TTC39A: variants seen among roughly 807,000 people sequenced by gnomAD.
The protein encoded by TTC39A is tetratricopeptide repeat protein 39A.
Under a neutral mutation model 82.3 loss-of-function variants are expected in TTC39A, and 46 were observed. That is an observed-to-expected ratio of 0.56 (90% CI 0.44 to 0.71). The LOEUF is 0.71. Ranked by LOEUF, TTC39A falls within the 30% of genes least tolerant of loss-of-function variation. The probability of loss-of-function intolerance (pLI) is 0.00; values close to 1 mark genes in which losing one functional copy is unlikely to be tolerated. For missense variants in TTC39A, 543 were observed against 712.9 expected (o/e 0.76, Z 2.71); for synonymous variants, 254 against 275.2 (o/e 0.92, Z 0.76).
At chr1:51,322,244 CCTCCCTCCCCCAGGCCTG>C in intron 1 of TTC39A, 2 of 1,491,724 alleles carry the variant, frequency 1.3e-6, no homozygotes, top group South Asian at 2.7e-5. Flanking sequence ...TCCAAGGCCT[CCTCCCTCCCCCAGGCCTG>C]GACTCTAGAA....
At chr1:51,335,847 G>GA (rs1270313943), upstream of TTC39A, among the ~76,000 whole-genome samples, 1 of 152,170 alleles carries the variant, frequency 6.6e-6, no homozygotes, top group African/African-American at 2.4e-5. Flanking sequence ...CTTAAGCTGT[G>GA]AAGTCAGTTC....
intron 2 of TTC39A, among the ~76,000 whole-genome samples, chr1:51,320,120 T>A (rs1422331603): frequency 6.6e-6 from 1 of 152,140 alleles, no homozygotes; most frequent in Non-Finnish European, 1.5e-5. Context: ...AGAAGACATG[T>A]CTGTCCTCCC....
upstream of TTC39A, chr1:51,331,456 C>T (rs1286486223): frequency 1.5e-5 from 21 of 1,394,284 alleles, no homozygotes; most frequent in South Asian, 1.6e-5. Flanking sequence ...GCTGTCCCTT[C>T]ACAAAGGAGG....
chr1:51,312,950 A>G lies in TTC39A; in HGVS notation c.147-7T>C. On this transcript the variant is annotated splice_polypyrimidine_tract_variant and splice_region_variant and intron_variant, in intron 2 of 17. Coordinates refer to ENST00000680483, the MANE Select transcript of TTC39A (RefSeq NM_001297663.2). The stretch of plus-strand genomic sequence containing the variant: ...GTACATGCTTTCCTTGGTTCTGCCA[A>G]AGAGAAGAGACGTTGAGAGCACCAC... 1.2e-6 allele frequency: 2 copies of G among 1,612,986 alleles called. No individual in the cohort carries two copies. Among genetic ancestry groups the G allele is most frequent in the East Asian group, 4.5e-5 (2 of 44,856 alleles).
chr1:51,305,526 C>A, intron 7 of TTC39A: 1 of 308,308 alleles, frequency 3.2e-6, no homozygotes, highest in Non-Finnish European at 6.2e-6. Context: ...CAGATGCTCA[C>A]CCCCTCCCGT....
intron 8 of TTC39A, among the ~76,000 whole-genome samples, 166 bp from the exon 9 acceptor site, chr1:51,303,358 C>T (rs891835004): frequency 6.6e-6 from 1 of 152,230 alleles, no homozygotes; most frequent in Non-Finnish European, 1.5e-5. Flanking sequence ...CCTCAGTGCC[C>T]CAGCACATTC....
intron 1 of TTC39A, chr1:51,325,795 C>A (rs143075347): frequency 2.4e-3 from 366 of 152,550 alleles, no homozygotes; most frequent in Non-Finnish European, 3.7e-3. Flanking sequence ...TCTGCACACA[C>A]CCCTCACCAC....
intron 6 of TTC39A, 60 bp downstream of exon 6, chr1:51,309,201 C>T (rs1489121498): frequency 1.3e-6 from 2 of 1,528,100 alleles, no homozygotes; most frequent in Non-Finnish European, 8.8e-7. Context: ...CTGAGGGGGA[C>T]AGCCTAGCAG....
intron 1 of TTC39A, chr1:51,322,174 C>T (rs535442178): frequency 3.2e-6 from 5 of 1,546,192 alleles, no homozygotes; most frequent in African/African-American, 1.4e-5. Flanking sequence ...GGCTCTGCTG[C>T]CCCCCCAGGG....
intron 15 of TTC39A, 89 bp from the exon 16 acceptor site, chr1:51,290,208 G>GTA: frequency 8.3e-7 from 1 of 1,203,078 alleles, no homozygotes; most frequent in Non-Finnish European, 1.2e-6. Context: ...CTAGGTCAAA[G>GTA]GGACACAGGT....
At chr1:51,302,275 GTAT>G in intron 11 of TTC39A, 79 bp downstream of exon 11, 1 of 1,121,834 alleles carries the variant, frequency 8.9e-7, no homozygotes, top group Non-Finnish European at 1.3e-6. Flanking sequence ...CTGTCCCTGA[GTAT>G]GTCACATGTG....
chr1:51,313,921 C>T (rs1276633612), intron 2 of TTC39A, among the ~76,000 whole-genome samples: 3 of 152,242 alleles, frequency 2.0e-5, no homozygotes, highest in South Asian at 2.1e-4. Context: ...AAATGCCTCC[C>T]AGACCACTGG....
chr1:51,317,498 C>T (rs1645330595), intron 2 of TTC39A, among the ~76,000 whole-genome samples: 1 of 152,084 alleles, frequency 6.6e-6, no homozygotes, highest in South Asian at 2.1e-4. Context: ...CCTGTAATCC[C>T]AGCACTGTGG....
At chr1:51,295,938 G>T in intron 13 of TTC39A, 141 bp downstream of exon 13, 2 of 817,018 alleles carry the variant, frequency 2.4e-6, no homozygotes, top group Admixed American at 2.1e-5. Context: ...ACGCAGGGGG[G>T]GCAGTCCGCG....
At chr1:51,308,265 C>T (rs552989368) in intron 6 of TTC39A, among the ~76,000 whole-genome samples, 21 of 147,976 alleles carry the variant, frequency 1.4e-4, no homozygotes, top group African/African-American at 5.0e-4. Flanking sequence ...TTTGAGATGA[C>T]GTCTCGCTCT....
chr1:51,309,147 A>C lies in TTC39A; in HGVS notation c.488+114T>G, dbSNP rs1569880487. 6 of 1,293,740 alleles carry C rather than the reference A, an allele frequency of 4.6e-6. No individual in the cohort carries two copies. In the South Asian group the frequency reaches 9.6e-5, roughly 21 times the overall value. The allele number at this position is 1,293,740 out of a possible 1,614,324, so 80.1% of individuals were successfully genotyped here. On this transcript the variant is annotated intron_variant, in intron 6 of 17. Transcript: ENST00000680483. ...AATCAGCCTGCAACAGCAGTCTACT[A>C]GGTTCTGGCCTCGGTTAGTACTCTT...
At position 51,321,983 on chromosome 1, in the gene TTC39A, G is replaced by A; in HGVS notation, c.42-158C>T. On this transcript the variant is annotated intron_variant, in intron 1 of 17. Coordinates refer to ENST00000680483, the MANE Select transcript of TTC39A (RefSeq NM_001297663.2). This position sits in a 1 kb window ranked among gnomAD's most constrained non-coding sequence, Gnocchi z 4.6. ...CTGCCACTCTGTACTGGGACGCAGG[G>A]ACAATTTGGACCCACCTCTTGGTGT... The A allele has an allele frequency of 7.3e-7, 1 of 1,366,214 alleles. No individual in the cohort carries two copies. Among genetic ancestry groups the A allele is most frequent in the Non-Finnish European group, 1.0e-6 (1 of 997,272 alleles). 84.6% of individuals were successfully genotyped at this position (1,366,214 alleles called of 1,614,324 possible).
intron 5 of TTC39A, 79 bp from the exon 6 acceptor site, chr1:51,309,404 C>T (rs777328159): frequency 1.9e-6 from 3 of 1,603,364 alleles, no homozygotes; most frequent in South Asian, 1.1e-5. Flanking sequence ...AGGCTCTGGG[C>T]CTGACTGCCC....
upstream of TTC39A, chr1:51,330,816 A>G: frequency 2.3e-6 from 1 of 432,374 alleles, no homozygotes. This position sits in a 1 kb window ranked among gnomAD's most constrained non-coding sequence, Gnocchi z 4.5. Flanking sequence ...ATTTGGCGCT[A>G]GAAGTTCTTC....
Sources: allele counts gnomAD v4.1 joint callset (sites outside exome capture counted in the v4.1 genomes callset), GRCh38; gene constraint gnomAD v4.1.1; non-coding constraint Gnocchi (gnomAD v3.1); transcripts MANE v1.5; gene names NCBI Gene and HGNC (gene_info 2026-07-23, HGNC 2026-07-21).